Variants in PLXDC2 observed in about 807,000 individuals in gnomAD.
PLXDC2 encodes plexin domain-containing protein 2.
In PLXDC2, 40 loss-of-function variants were observed where a neutral mutation model predicts 68.9. That is an observed-to-expected ratio of 0.58 (90% CI 0.45 to 0.76). The LOEUF is 0.76. Among genes scored for constraint, PLXDC2 ranks in the 30% least tolerant of loss-of-function variants. The pLI is 0.00. For missense variants in PLXDC2, 644 were observed against 661.9 expected, an observed-to-expected ratio of 0.97 and a Z score of 0.30; for synonymous variants, 243 against 234.2, an observed-to-expected ratio of 1.04 and a Z score of -0.34.
At chr10:20,002,259 G>GTT (rs1834954464) in intron 2 of PLXDC2, among the ~76,000 whole-genome samples, 1 of 138,704 alleles carries the variant, frequency 7.2e-6, no homozygotes, top group Non-Finnish European at 1.6e-5. Context: ...TTGTGTAAGA[G>GTT]CTTTTTTTTT....
intron 4 of PLXDC2, among the ~76,000 whole-genome samples, chr10:20,103,593 A>T (rs36130987): frequency 1.8e-3 from 35 of 19,770 alleles, no homozygotes; most frequent in African/African-American, 0.011. Flanking sequence ...TTTGTGTGTG[A>T]GAGAGAGAGA....
chr10:20,146,133 A>C (rs1418738867), intron 5 of PLXDC2, among the ~76,000 whole-genome samples: 3 of 152,116 alleles, frequency 2.0e-5, no homozygotes, highest in African/African-American at 7.2e-5. Flanking sequence ...CCTCTGGTTC[A>C]TTGTTTTCAC....
intron 4 of PLXDC2, among the ~76,000 whole-genome samples, chr10:20,072,043 G>T (rs1286268482): frequency 6.6e-6 from 1 of 152,036 alleles, no homozygotes; most frequent in African/African-American, 2.4e-5. Flanking sequence ...ATGTTGTGGA[G>T]TACTTTGAAC....
At chr10:19,945,579 C>T (rs1339525502) in intron 1 of PLXDC2, among the ~76,000 whole-genome samples, 2 of 152,126 alleles carry the variant, frequency 1.3e-5, no homozygotes, top group Non-Finnish European at 2.9e-5. Context: ...TGGCTTTTAG[C>T]CTTGTGGTTC....
chr10:20,054,851 A>G (rs1055298430), intron 3 of PLXDC2, among the ~76,000 whole-genome samples: 9 of 152,082 alleles, frequency 5.9e-5, no homozygotes, highest in Non-Finnish European at 1.3e-4. Flanking sequence ...CTTAAAGTAT[A>G]ATAATAAAAA....
chr10:20,194,218 G>C (rs1384765408), intron 9 of PLXDC2, among the ~76,000 whole-genome samples: 1 of 151,496 alleles, frequency 6.6e-6, no homozygotes, highest in Non-Finnish European at 1.5e-5. Context: ...GTGTGTGTGT[G>C]TGTGTGTGTG....
intron 9 of PLXDC2, among the ~76,000 whole-genome samples, chr10:20,205,303 T>A (rs1336755262): frequency 1.3e-5 from 2 of 152,088 alleles, no homozygotes; most frequent in African/African-American, 2.4e-5. Flanking sequence ...ACTGTATAGC[T>A]CTCTATTAAT....
chr10:20,110,035 A>G (rs759995023), intron 4 of PLXDC2, among the ~76,000 whole-genome samples: 27 of 152,348 alleles, frequency 1.8e-4, no homozygotes, highest in Non-Finnish European at 2.9e-4. Flanking sequence ...ATATATATGT[A>G]GGCATCCAAA....
At chr10:19,915,163 T>G (rs1205986434) in intron 1 of PLXDC2, among the ~76,000 whole-genome samples, 1 of 152,140 alleles carries the variant, frequency 6.6e-6, no homozygotes, top group Non-Finnish European at 1.5e-5. Flanking sequence ...ATTTTAATAT[T>G]TGTTTTCTGT....
chr10:20,164,591 A>G (rs1589661138), intron 7 of PLXDC2, 24 bp downstream of exon 7: 1 of 1,550,978 alleles, frequency 6.4e-7, no homozygotes, highest in East Asian at 2.3e-5. Flanking sequence ...GGGCAGTCGC[A>G]ATGAGTGAGC....
rs1238060260 is a variant in PLXDC2 at position 20,219,110 on chromosome 10, T to C, written c.1312+8T>C. 29 of 1,601,520 alleles carry C rather than the reference T, an allele frequency of 1.8e-5. No individual in the cohort carries two copies. Among genetic ancestry groups the C allele is most frequent in the Non-Finnish European group, 2.4e-5 (28 of 1,173,896 alleles). On this transcript the variant is annotated splice_region_variant and intron_variant, in intron 12 of 13. Coordinates refer to ENST00000377252, the MANE Select transcript of PLXDC2 (RefSeq NM_032812.9). ...ATCTAAAAGATAATGGAGGTAGGAA[T>C]TGATACTTTTCTTTCATAAACATCT...
chr10:20,233,556 C>T (rs1240014784), intron 12 of PLXDC2, among the ~76,000 whole-genome samples: 2 of 152,144 alleles, frequency 1.3e-5, no homozygotes, highest in Non-Finnish European at 2.9e-5. Context: ...CCATTTTACA[C>T]TTGAAGTCTC....
intron 12 of PLXDC2, among the ~76,000 whole-genome samples, chr10:20,239,702 T>C (rs2119323676): frequency 6.6e-6 from 1 of 152,304 alleles, no homozygotes; most frequent in Non-Finnish European, 1.5e-5. Flanking sequence ...CTGAGAAGTT[T>C]GTCCCTGAAG....
At chr10:20,273,937 G>A (rs947434153) in intron 13 of PLXDC2, among the ~76,000 whole-genome samples, 2 of 152,032 alleles carry the variant, frequency 1.3e-5, no homozygotes, top group Non-Finnish European at 2.9e-5. Flanking sequence ...TACTTAGGAG[G>A]CTGAGGGGGG....
chr10:20,192,667 A>G (rs1388187344), intron 9 of PLXDC2, among the ~76,000 whole-genome samples: 3 of 152,056 alleles, frequency 2.0e-5, no homozygotes, highest in African/African-American at 7.2e-5. Context: ...ATATTTCTAC[A>G]GCACCCACAT....
intron 10 of PLXDC2, among the ~76,000 whole-genome samples, chr10:20,213,261 G>A (rs1402085096): frequency 6.6e-6 from 1 of 151,812 alleles, no homozygotes; most frequent in African/African-American, 2.4e-5. Flanking sequence ...TCAGTTTCGT[G>A]GGGTTTTTTT....
At chr10:20,170,714 C>A (rs1698432573) in intron 7 of PLXDC2, among the ~76,000 whole-genome samples, 2 of 152,026 alleles carry the variant, frequency 1.3e-5, no homozygotes, top group South Asian at 4.1e-4. Context: ...CTACTATGAA[C>A]TTGCAATATG....
At chr10:20,033,405 C>A (rs1835532305) in intron 2 of PLXDC2, among the ~76,000 whole-genome samples, 1 of 151,796 alleles carries the variant, frequency 6.6e-6, no homozygotes, top group South Asian at 2.1e-4. Context: ...TGACCCATTT[C>A]TTCTTCATTT....
intron 2 of PLXDC2, among the ~76,000 whole-genome samples, chr10:20,044,098 T>TCCTA (rs1835733105): frequency 3.6e-5 from 4 of 112,480 alleles, no homozygotes; most frequent in Non-Finnish European, 1.9e-5. Context: ...TTTTTCCCCT[T>TCCTA]CCTTCCTTCC....
Sources: allele counts gnomAD v4.1 joint callset (sites outside exome capture counted in the v4.1 genomes callset), GRCh38; gene constraint gnomAD v4.1.1; transcripts MANE v1.5; gene names NCBI Gene and HGNC (gene_info 2026-07-23, HGNC 2026-07-21).